The following BNC2 variants were observed in gnomAD, a reference collection of about 807,000 sequenced individuals.
BNC2 encodes zinc finger protein basonuclin-2.
Under a neutral mutation model 76.3 loss-of-function variants are expected in BNC2, and 20 were observed. The ratio of observed to expected loss-of-function variants is 0.26; its 90% confidence interval spans 0.18 to 0.38. The LOEUF (loss-of-function observed/expected upper bound fraction) is 0.38, where lower values mean the gene tolerates loss of function less well. Among genes scored for constraint, BNC2 ranks in the 10% least tolerant of loss-of-function variants. The pLI, the probability that BNC2 is intolerant of heterozygous loss-of-function variation, is 1.00. For synonymous variants in BNC2, 582 were observed against 514.8 expected (o/e 1.13, Z -1.77); for missense variants, 1,382 against 1,399.8 (o/e 0.99, Z 0.20).
intron 4 of BNC2, among the ~76,000 whole-genome samples, chr9:16,580,488 A>G (rs2133017345): frequency 6.6e-6 from 1 of 152,356 alleles, no homozygotes; most frequent in East Asian, 1.9e-4. Context: ...GTGTAACAAA[A>G]ACATCTTATT....
intron 5 of BNC2, among the ~76,000 whole-genome samples, chr9:16,460,984 A>T (rs1821567476): frequency 6.6e-6 from 1 of 151,874 alleles, no homozygotes; most frequent in South Asian, 2.1e-4. Context: ...TGATCTACCA[A>T]GACGGCAGAC....
intron 5 of BNC2, among the ~76,000 whole-genome samples, chr9:16,454,703 C>A (rs1587046564): frequency 6.6e-6 from 1 of 152,146 alleles, no homozygotes; most frequent in South Asian, 2.1e-4. Flanking sequence ...GACATCCTTA[C>A]TAAAAAATAA....
chr9:16,816,796 G>A (rs1818194244), intron 1 of BNC2, among the ~76,000 whole-genome samples: 1 of 152,052 alleles, frequency 6.6e-6, no homozygotes, highest in Admixed American at 6.5e-5. Flanking sequence ...TTACATGTGC[G>A]GTCTAAAGAT....
intron 4 of BNC2, among the ~76,000 whole-genome samples, chr9:16,578,155 T>A (rs1819538040): frequency 6.6e-6 from 1 of 152,180 alleles, no homozygotes; most frequent in African/African-American, 2.4e-5. Flanking sequence ...CTCTGTAAAA[T>A]CTGCCCACCT....
At chr9:16,688,748 G>C (rs1256038704) in intron 3 of BNC2, among the ~76,000 whole-genome samples, 2 of 152,064 alleles carry the variant, frequency 1.3e-5, no homozygotes, top group Non-Finnish European at 2.9e-5. Context: ...TTATGCCACA[G>C]GTTTAATTAT....
chr9:16,618,709 T>C (rs554266011), intron 3 of BNC2, among the ~76,000 whole-genome samples: 3 of 152,290 alleles, frequency 2.0e-5, no homozygotes. Flanking sequence ...GAGCCTTGAT[T>C]GCACAATTAC....
intron 1 of BNC2, among the ~76,000 whole-genome samples, chr9:16,761,795 C>T (rs1378183976): frequency 6.6e-6 from 1 of 152,120 alleles, no homozygotes; most frequent in Non-Finnish European, 1.5e-5. Flanking sequence ...GACCATGACA[C>T]TCAACTGTCT....
rs10756756 is a variant in BNC2, at chr9:16,517,787, C to A, written c.669+34743G>T. On this transcript the variant is annotated intron_variant, in intron 5 of 6. Coordinates refer to ENST00000380672, the MANE Select transcript of BNC2 (RefSeq NM_017637.6). Reference sequence around the variant, plus strand: ...TATAAACACAGTAAATTGTAGGTTCCATGTAACCATATACATTTTTATTTC... The same window carrying A: ...TATAAACACAGTAAATTGTAGGTTCAATGTAACCATATACATTTTTATTTC... Among the ~76,000 whole-genome samples, 349 of 151,950 alleles carry A rather than the reference C, an allele frequency of 2.3e-3. 1 individual carries two copies. The highest frequency in any genetic ancestry group is 7.9e-3 in the African/African-American group (326 of 41,398).
At chr9:16,795,962 T>C (rs1817635409) in intron 1 of BNC2, among the ~76,000 whole-genome samples, 1 of 152,128 alleles carries the variant, frequency 6.6e-6, no homozygotes. Context: ...TAAAGAAACC[T>C]TGCAAAGGAG....
At chr9:16,852,485 G>C (rs760488567) in intron 1 of BNC2, among the ~76,000 whole-genome samples, 3 of 152,158 alleles carry the variant, frequency 2.0e-5, no homozygotes, top group Non-Finnish European at 4.4e-5. Context: ...TCATATGTGA[G>C]ATATTCATCC....
intron 5 of BNC2, among the ~76,000 whole-genome samples, chr9:16,540,156 A>ATTTTTTTT (rs36075261): frequency 8.4e-6 from 1 of 118,472 alleles, no homozygotes; most frequent in Non-Finnish European, 1.8e-5. Context: ...ATTTAACGTG[A>ATTTTTTTT]TTTTTTTTTT....
chr9:16,788,458 C>T (rs760906046), intron 1 of BNC2, among the ~76,000 whole-genome samples: 8 of 149,776 alleles, frequency 5.3e-5, no homozygotes, highest in Admixed American at 1.4e-4. Flanking sequence ...GAGGCTAAGG[C>T]AGGAGAATGG....
chr9:16,416,866 C>G lies in BNC2; in HGVS notation c.*2123G>C, dbSNP rs1406789467. ...TAAATACTGTGAGGTACAATAAATC[C>G]TACAGGAATAATAACAACAGAAACA... On this transcript the variant is annotated 3_prime_UTR_variant, in exon 7 of 7. Coordinates refer to ENST00000380672, the MANE Select transcript of BNC2 (RefSeq NM_017637.6). The G allele has an allele frequency of 6.6e-6, 1 of 152,486 alleles. No homozygotes were observed. Among genetic ancestry groups the G allele is most frequent in the Non-Finnish European group, 1.5e-5 (1 of 68,020 alleles). 9.4% of individuals were successfully genotyped at this position (152,486 alleles called of 1,614,324 possible). A position where few individuals can be genotyped will look rare whatever the true frequency, so the allele number is the denominator to read the frequency against.
chr9:16,647,878 A>T (rs1328995818), intron 3 of BNC2, among the ~76,000 whole-genome samples: 1 of 152,202 alleles, frequency 6.6e-6, no homozygotes, highest in Non-Finnish European at 1.5e-5. Context: ...TTCCACTGCC[A>T]TGAACTATAT....
At chr9:16,769,841 A>G (rs1378026365) in intron 1 of BNC2, among the ~76,000 whole-genome samples, 1 of 152,154 alleles carries the variant, frequency 6.6e-6, no homozygotes, top group African/African-American at 2.4e-5. Flanking sequence ...AAGCTTGCAA[A>G]CGTGAGAAAA....
chr9:16,563,365 T>C (rs1819071313), intron 4 of BNC2, among the ~76,000 whole-genome samples: 3 of 152,152 alleles, frequency 2.0e-5, no homozygotes, highest in Admixed American at 1.3e-4. Context: ...ATGCCTATAA[T>C]CCTAGCACTT....
At chr9:16,791,101 G>A (rs889632634) in intron 1 of BNC2, among the ~76,000 whole-genome samples, 10 of 151,214 alleles carry the variant, frequency 6.6e-5, no homozygotes, top group African/African-American at 1.5e-4. Context: ...TCACACTGTC[G>A]CCCAGGCTAG....
chr9:16,653,993 G>C (rs922756182), intron 3 of BNC2, among the ~76,000 whole-genome samples: 3 of 151,932 alleles, frequency 2.0e-5, no homozygotes, highest in African/African-American at 7.3e-5. Flanking sequence ...AGGTACAGAG[G>C]CGGGTGTTCT....
intron 3 of BNC2, among the ~76,000 whole-genome samples, chr9:16,606,825 T>C (rs1212252727): frequency 1.3e-5 from 2 of 152,210 alleles, no homozygotes; most frequent in Non-Finnish European, 2.9e-5. Context: ...CCCAACGTGC[T>C]GGGATTAGAG....
Sources: gnomAD v4.1 joint callset for allele counts (sites outside exome capture counted in the v4.1 genomes callset) on GRCh38, gnomAD v4.1.1 for gene constraint, MANE v1.5 for transcripts, NCBI Gene and HGNC (gene_info 2026-07-23, HGNC 2026-07-21) for gene names.